Variants in ATP9B observed in about 807,000 individuals in gnomAD.
ATP9B encodes ATPase phospholipid transporting 9B.
ATP9B carries 110 observed loss-of-function variants against 146.1 expected under a neutral mutation model. That is an observed-to-expected ratio of 0.75 (90% confidence interval 0.65 to 0.88). The LOEUF (loss-of-function observed/expected upper bound fraction) is 0.88. Ranked by LOEUF, ATP9B falls within the 40% of genes least tolerant of loss-of-function variation. The pLI is 0.00. For synonymous variants in ATP9B, 604 were observed against 569.7 expected, an observed-to-expected ratio of 1.06 and a Z score of -0.86; for missense variants, 1,499 against 1,496.4, an observed-to-expected ratio of 1.00 and a Z score of -0.03.
chr18:79,373,977 G>A lies in ATP9B; in HGVS notation c.3150G>A (p.Leu1050=), dbSNP rs2148028832. Residue 1050 remains leucine (L), a synonymous_variant, in exon 28 of 30, where the codon CTG becomes CTA. Transcript: ENST00000426216. Reference sequence around the variant, plus strand: ...TGGTGGCCATCTCCTTCACCGCACTGATCCTGACCGAGCTGCTGATGGTGG... The same window carrying A: ...TGGTGGCCATCTCCTTCACCGCACTAATCCTGACCGAGCTGCTGATGGTGG... The part of the protein sequence containing the change: ...VHVVAISFTA[L]ILTELLMVAL... 6.2e-7 allele frequency: 1 copy of A among 1,614,094 alleles called. No homozygotes were observed. The highest frequency in any genetic ancestry group is 1.7e-4 in the Middle Eastern group (1 of 6,006).
At chr18:79,160,302 A>G (rs2094858532) in intron 7 of ATP9B, among the ~76,000 whole-genome samples, 1 of 152,190 alleles carries the variant, frequency 6.6e-6, no homozygotes, top group South Asian at 2.1e-4. Context: ...TATTTTCCAG[A>G]GTTCTGAAAC....
chr18:79,187,806 G>A (rs151000980), intron 8 of ATP9B, among the ~76,000 whole-genome samples: 118 of 152,262 alleles, frequency 7.7e-4, no homozygotes, highest in Non-Finnish European at 1.2e-3. Context: ...TTACAAATTT[G>A]TATGGTAATG....
At chr18:79,337,243 A>C in intron 18 of ATP9B, 36 bp from the exon 19 acceptor site, 2 of 1,599,346 alleles carry the variant, frequency 1.3e-6, no homozygotes, top group Non-Finnish European at 1.7e-6. Flanking sequence ...CAGCACGTAC[A>C]CGTGTGCACA....
chr18:79,253,139 TG>T (rs1399952299), intron 11 of ATP9B, among the ~76,000 whole-genome samples: 3 of 152,228 alleles, frequency 2.0e-5, no homozygotes, highest in Non-Finnish European at 4.4e-5. Flanking sequence ...AGGCCGTGTC[TG>T]AGTTCACTGC....
intron 7 of ATP9B, among the ~76,000 whole-genome samples, chr18:79,159,089 T>G (rs2094838477): frequency 6.6e-6 from 1 of 152,252 alleles, no homozygotes; most frequent in African/African-American, 2.4e-5. Flanking sequence ...TTTTGGTTAC[T>G]GTTTGCACCT....
At chr18:79,264,870 G>A (rs1194719096) in intron 12 of ATP9B, among the ~76,000 whole-genome samples, 6 of 152,064 alleles carry the variant, frequency 3.9e-5, no homozygotes, top group African/African-American at 9.6e-5. Flanking sequence ...TTGTATTCTC[G>A]CCAAATAACA....
chr18:79,345,253 ATTTTTTAT>A (rs1271492391), intron 21 of ATP9B, among the ~76,000 whole-genome samples, 167 bp from the exon 22 acceptor site: 2 of 152,134 alleles, frequency 1.3e-5, no homozygotes, highest in Non-Finnish European at 2.9e-5. Context: ...TCTTCCCATG[ATTTTTTAT>A]TTTCCCCTGT....
chr18:79,220,112 C>T (rs1032805914), intron 11 of ATP9B, among the ~76,000 whole-genome samples: 1 of 151,994 alleles, frequency 6.6e-6, no homozygotes, highest in Admixed American at 6.6e-5. Context: ...GCAGGGACAG[C>T]CGGTCGTGAT....
intron 23 of ATP9B, among the ~76,000 whole-genome samples, chr18:79,346,378 G>T (rs544694162): frequency 3.3e-5 from 5 of 149,924 alleles, no homozygotes; most frequent in African/African-American, 1.2e-4. Flanking sequence ...AGCACACTTG[G>T]TACACTTGTT....
chr18:79,221,028 A>G (rs1055798259), intron 11 of ATP9B, among the ~76,000 whole-genome samples: 2 of 152,216 alleles, frequency 1.3e-5, no homozygotes, highest in African/African-American at 4.8e-5. Context: ...CTTAAAAATC[A>G]TCCACATAAT....
chr18:79,324,260 C>A (rs1280146915), intron 15 of ATP9B, among the ~76,000 whole-genome samples: 1 of 151,996 alleles, frequency 6.6e-6, no homozygotes, highest in Non-Finnish European at 1.5e-5. Context: ...TGGGTTTTCT[C>A]TTCACTTTGT....
chr18:79,149,089 A>T (rs559823876), intron 6 of ATP9B, among the ~76,000 whole-genome samples: 90 of 152,308 alleles, frequency 5.9e-4, no homozygotes, highest in Admixed American at 9.8e-4. Context: ...GTTTTCCCAA[A>T]ATTGTTTTGT....
Position 79,163,869 on chromosome 18 carries a change from T to C in ATP9B, c.778+9314T>C, listed in dbSNP as rs868529654. On this transcript the variant is annotated intron_variant, in intron 7 of 29. Transcript: ENST00000426216. ...TATTTTATTTTCATATTTTATTTTA[T>C]ACACACACACACACACACACACACA... 5.3e-3 allele frequency among the ~76,000 whole-genome samples: 753 copies of C among 142,762 alleles called. 23 individuals carry two copies. In the South Asian group the frequency reaches 0.077, roughly 15 times the overall value. The allele number at this position is 142,762 out of a possible 152,430, so 93.7% of individuals were successfully genotyped here. A position where few individuals can be genotyped will look rare whatever the true frequency, so the allele number is the denominator to read the frequency against.
At chr18:79,128,052 CTTTTTTTTTTTTT>C (rs1173565651) in intron 5 of ATP9B, among the ~76,000 whole-genome samples, 5 of 71,686 alleles carry the variant, frequency 7.0e-5, no homozygotes, top group Non-Finnish European at 9.8e-5. Context: ...CCTTTGCCGA[CTTTTTTTTTTTTT>C]TTTTTTTTTT....
intron 4 of ATP9B, among the ~76,000 whole-genome samples, chr18:79,120,813 A>G (rs2094175617): frequency 6.6e-6 from 1 of 152,222 alleles, no homozygotes; most frequent in African/African-American, 2.4e-5. Flanking sequence ...CGGATAGGCT[A>G]TGTAGGTGAG....
At chr18:79,071,110 G>C (rs1249547495) in intron 1 of ATP9B, among the ~76,000 whole-genome samples, 5 of 136,258 alleles carry the variant, frequency 3.7e-5, no homozygotes, top group Non-Finnish European at 7.7e-5. Flanking sequence ...TATCCCTATA[G>C]TGTGTTTGAG....
At chr18:79,106,102 A>G (rs1568186395) in intron 2 of ATP9B, among the ~76,000 whole-genome samples, 1 of 152,222 alleles carries the variant, frequency 6.6e-6, no homozygotes, top group South Asian at 2.1e-4. Context: ...ACATTTTAAG[A>G]AAAAGTATAA....
At chr18:79,200,789 G>GGAGGTGGGGACTGTCGGGGTCA (rs2095478075) in intron 9 of ATP9B, among the ~76,000 whole-genome samples, 1 of 79,118 alleles carries the variant, frequency 1.3e-5, no homozygotes, top group Non-Finnish European at 2.9e-5. Context: ...AAGTAGTGGT[G>GGAGGTGGGGACTGTCGGGGTCA]GAATTGTTTT....
chr18:79,182,821 G>C (rs2095265655), intron 8 of ATP9B, among the ~76,000 whole-genome samples: 2 of 152,162 alleles, frequency 1.3e-5, no homozygotes, highest in Non-Finnish European at 2.9e-5. Context: ...CTACCTGCTG[G>C]GAGGCCTGTG....
Sources: allele counts gnomAD v4.1 joint callset (sites outside exome capture counted in the v4.1 genomes callset), GRCh38; gene constraint gnomAD v4.1.1; transcripts MANE v1.5; gene names NCBI Gene and HGNC (gene_info 2026-07-23, HGNC 2026-07-21).